The following NTRK2 variants were observed in gnomAD, a reference collection of about 807,000 sequenced individuals.
NTRK2 encodes neurotrophic receptor tyrosine kinase 2, also known as BDNF/NT-3 growth factors receptor.
In NTRK2, 13 loss-of-function variants were observed where a neutral mutation model predicts 94.5. The ratio of observed to expected loss-of-function variants is 0.14; its 90% CI spans 0.09 to 0.22. The LOEUF (loss-of-function observed/expected upper bound fraction) is 0.22. Among genes scored for constraint, NTRK2 ranks in the 10% least tolerant of loss-of-function variants. NTRK2 has a pLI of 1.00. For synonymous variants in NTRK2, 372 were observed against 407.4 expected, an observed-to-expected ratio of 0.91 and a Z score of 1.05; for missense variants, 639 against 1,071.2, an observed-to-expected ratio of 0.60 and a Z score of 5.63.
chr9:84,763,748 T>C (rs1455560850), intron 12 of NTRK2, among the ~76,000 whole-genome samples: 1 of 152,194 alleles, frequency 6.6e-6, no homozygotes, highest in Non-Finnish European at 1.5e-5. Context: ...TAGACTATCT[T>C]CAAATTTCCC....
At chr9:84,827,409 G>A (rs2073256557) in intron 12 of NTRK2, among the ~76,000 whole-genome samples, 1 of 152,206 alleles carries the variant, frequency 6.6e-6, no homozygotes, top group African/African-American at 2.4e-5. Flanking sequence ...TCTTCAGGGA[G>A]CTTATGTTCT....
At chr9:84,878,970 C>A (rs970781160) in intron 14 of NTRK2, among the ~76,000 whole-genome samples, 4 of 152,186 alleles carry the variant, frequency 2.6e-5, no homozygotes, top group African/African-American at 9.7e-5. Flanking sequence ...GAGATGCAGT[C>A]CCCTGTCTCC....
At chr9:84,876,507 T>C (rs200529119) in intron 14 of NTRK2, 3 of 1,055,760 alleles carry the variant, frequency 2.8e-6, no homozygotes, top group Non-Finnish European at 3.4e-6. Context: ...AGGCACTAAC[T>C]GCTTTACCCA....
At chr9:84,729,994 A>G in intron 9 of NTRK2, among the ~76,000 whole-genome samples, 1 of 152,220 alleles carries the variant, frequency 6.6e-6, no homozygotes. Context: ...ATGGGGAAGA[A>G]TTGTTTTCTG....
At chr9:84,802,405 C>A (rs1038161594) in intron 12 of NTRK2, among the ~76,000 whole-genome samples, 1 of 152,198 alleles carries the variant, frequency 6.6e-6, no homozygotes, top group African/African-American at 2.4e-5. Context: ...TGCGCTCCAA[C>A]ATGAAGGAGT....
intron 4 of NTRK2, among the ~76,000 whole-genome samples, chr9:84,703,361 A>G (rs533262437): frequency 3.9e-4 from 60 of 152,310 alleles, no homozygotes; most frequent in African/African-American, 1.3e-3. Context: ...TGCACATTTC[A>G]TAGATAAAAT....
At chr9:84,697,760 A>C (rs986066867) in intron 2 of NTRK2, among the ~76,000 whole-genome samples, 1 of 152,298 alleles carries the variant, frequency 6.6e-6, no homozygotes, top group South Asian at 2.1e-4. Context: ...GAGGCTGTGG[A>C]GCAGGGAAAG....
intron 12 of NTRK2, among the ~76,000 whole-genome samples, chr9:84,759,604 T>C (rs2132621841): frequency 6.6e-6 from 1 of 152,344 alleles, no homozygotes; most frequent in African/African-American, 2.4e-5. Flanking sequence ...TACTTAAAGG[T>C]CAGGAAATAT....
chr9:84,955,158 T>A lies in NTRK2; in HGVS notation c.1938-125T>A, dbSNP rs969594709. On this transcript the variant is annotated intron_variant, in intron 16 of 18. Coordinates refer to ENST00000277120, the MANE Select transcript of NTRK2 (RefSeq NM_006180.6). ...TCATGCTAAGTCAGGCAGCATCTTT[T>A]AGCACCAGCAGCTACAGGGTGGGGG... The A allele has an allele frequency of 1.0e-5, 8 of 776,974 alleles. No homozygotes were observed. The South Asian group carries it at 1.2e-4, about 12-fold the overall frequency. 48.1% of individuals were successfully genotyped at this position (776,974 alleles called of 1,614,324 possible).
intron 14 of NTRK2, among the ~76,000 whole-genome samples, chr9:84,924,149 C>T (rs1445613438): frequency 6.6e-6 from 1 of 150,770 alleles, no homozygotes; most frequent in Non-Finnish European, 1.5e-5. Flanking sequence ...GAGGTTGAGG[C>T]TGCAGTGAGC....
intron 14 of NTRK2, among the ~76,000 whole-genome samples, chr9:84,888,942 C>G (rs1286124607): frequency 6.7e-6 from 1 of 149,596 alleles, no homozygotes; most frequent in Non-Finnish European, 1.5e-5. Context: ...GGCTAATTGC[C>G]TCATTGGCGA....
intron 15 of NTRK2, among the ~76,000 whole-genome samples, chr9:84,937,049 G>C (rs12340212): frequency 6.6e-6 from 1 of 151,968 alleles, no homozygotes; most frequent in Non-Finnish European, 1.5e-5. Context: ...GCTGTCACTC[G>C]CCAGCCTGAC....
At chr9:84,925,687 G>C (rs1255587868) in intron 14 of NTRK2, among the ~76,000 whole-genome samples, 1 of 152,144 alleles carries the variant, frequency 6.6e-6, no homozygotes, top group Non-Finnish European at 1.5e-5. Context: ...AGGCCGGAGA[G>C]GAAAGATGGA....
chr9:84,727,246 A>G (rs1389546221), intron 8 of NTRK2, among the ~76,000 whole-genome samples: 1 of 152,224 alleles, frequency 6.6e-6, no homozygotes, highest in African/African-American at 2.4e-5. Context: ...GCTATCAAAA[A>G]GTATTCATTA....
chr9:84,974,340 G>T (rs189758138), intron 17 of NTRK2, among the ~76,000 whole-genome samples: 210 of 152,280 alleles, frequency 1.4e-3, no homozygotes, highest in African/African-American at 4.7e-3. Context: ...TCGTTATGTG[G>T]TTTTTATTAA....
At chr9:84,707,574 A>G (rs1046988964) in intron 4 of NTRK2, among the ~76,000 whole-genome samples, 15 of 152,184 alleles carry the variant, frequency 9.9e-5, no homozygotes, top group African/African-American at 3.6e-4. Flanking sequence ...CTCCAAATCA[A>G]CATATGAAAA....
intron 12 of NTRK2, among the ~76,000 whole-genome samples, chr9:84,795,825 C>T (rs945025244): frequency 2.0e-5 from 3 of 152,198 alleles, no homozygotes; most frequent in Non-Finnish European, 2.9e-5. Context: ...CTGCCATGGC[C>T]CTTTAAGGGA....
intron 18 of NTRK2, 128 bp from the exon 19 acceptor site, chr9:85,021,124 T>A (rs1241545962): frequency 1.3e-6 from 1 of 786,622 alleles, no homozygotes; most frequent in Non-Finnish European, 2.2e-6. Context: ...CTCTTCCTTC[T>A]GAGAAAACAA....
At chr9:84,770,730 C>T in intron 12 of NTRK2, among the ~76,000 whole-genome samples, 1 of 152,178 alleles carries the variant, frequency 6.6e-6, no homozygotes, top group East Asian at 1.9e-4. Context: ...CCGTTGTGGG[C>T]CAGGTCCTTG....
Sources: gnomAD v4.1 joint callset for allele counts (sites outside exome capture counted in the v4.1 genomes callset) on GRCh38, gnomAD v4.1.1 for gene constraint, MANE v1.5 for transcripts, NCBI Gene and HGNC (gene_info 2026-07-23, HGNC 2026-07-21) for gene names.